Variants in ZNF142 observed in about 807,000 individuals in gnomAD.
ZNF142 encodes zinc finger protein 142 (clone pHZ-49).
Under a neutral mutation model 132.1 loss-of-function variants are expected in ZNF142, and 96 were observed. That is an observed-to-expected ratio of 0.73 (90% confidence interval 0.62 to 0.86). ZNF142 has a LOEUF of 0.86. Ranked by LOEUF, ZNF142 falls within the 40% of genes least tolerant of loss-of-function variation. The pLI, the probability that ZNF142 is intolerant of heterozygous loss-of-function variation, is 0.00. For synonymous variants in ZNF142, 842 were observed against 890.1 expected, an observed-to-expected ratio of 0.95 and a Z score of 0.96; for missense variants, 2,163 against 2,336.2, an observed-to-expected ratio of 0.93 and a Z score of 1.53.
Position 218,650,421 on chromosome 2 carries a change from C to CA in ZNF142, c.985_986insT (p.Ser329MetfsTer2). 6.2e-7 allele frequency: 1 copy of CA among 1,614,248 alleles called. No homozygotes were observed. Among genetic ancestry groups the CA allele is most frequent in the Non-Finnish European group, 8.5e-7 (1 of 1,180,044 alleles). On this transcript the variant is annotated frameshift_variant, in exon 6 of 11. Transcript: ENST00000411696. LOFTEE classifies it high-confidence loss of function. ...CTTTTGGGAGTCCTTCTGGGTGTCA[C>CA]TCTTCTCTTCTTTCTCTACATTCTC...
At position 218,645,021 on chromosome 2, in the gene ZNF142, G is replaced by C. The variant is rs1229035004; in HGVS notation, c.2095C>G (p.Gln699Glu). 2.5e-6 allele frequency: 4 copies of C among 1,613,852 alleles called. No homozygotes were observed. Among genetic ancestry groups the C allele is most frequent in the Non-Finnish European group, 2.5e-6 (3 of 1,179,908 alleles). Residue 699 changes from glutamine (Q) to glutamate (E), a missense_variant, in exon 9 of 11, where the codon CAG becomes GAG. Coordinates refer to ENST00000411696, the MANE Select transcript of ZNF142 (RefSeq NM_001379659.1). The stretch of plus-strand genomic sequence containing the variant: ...TGCCGCAGCTTGTGGCTGCTCAGCT[G>C]ATCAGCCCGGTGACAGCGATAGGAG... ...QCSYRCHRAD[Q>E]LSSHKLRHQG... is the part of the protein sequence containing the mutation.
chr2:218,649,500 T>C, intron 6 of ZNF142, 41 bp from the exon 7 acceptor site: 2 of 1,488,234 alleles, frequency 1.3e-6, no homozygotes, highest in Non-Finnish European at 1.8e-6. Context: ...GTGAGATTTT[T>C]CTGGGGAAAG....
At position 218,649,292 on chromosome 2, in the gene ZNF142, G is replaced by A; in HGVS notation, c.1216C>T (p.Leu406Phe). Residue 406 changes from leucine to phenylalanine, a missense_variant, in exon 7 of 11, where the codon CTC (leucine) becomes TTC (phenylalanine). By Grantham distance (22) the Leu-to-Phe change is conservative (BLOSUM62 0). Transcript: ENST00000411696. ...AGCTCCCGCAGCAGATGGGTCTTGA[G>A]CTTGCTCTTACTGGTGAAGAACTTC... The part of the protein sequence containing the change: ...CQKFFTSKSK[L>F]KTHLLRELGE... The A allele has an allele frequency of 6.2e-7, 1 of 1,614,256 alleles. No individual in the cohort carries two copies. Among genetic ancestry groups the A allele is most frequent in the Non-Finnish European group, 8.5e-7 (1 of 1,180,054 alleles).
intron 3 of ZNF142, among the ~76,000 whole-genome samples, chr2:218,657,301 A>T (rs534703851): frequency 6.6e-6 from 1 of 151,992 alleles, no homozygotes; most frequent in African/African-American, 2.4e-5. Flanking sequence ...TTGCTTTCAT[A>T]CCCTCACAGC....
In ZNF142 at chr2:218,644,654, G is replaced by A. The variant is rs1413754062; in HGVS notation, c.2462C>T (p.Pro821Leu). 1 of 1,614,072 alleles carries A rather than the reference G, an allele frequency of 6.2e-7. No homozygotes were observed. The highest frequency in any genetic ancestry group is 8.5e-7 in the Non-Finnish European group (1 of 1,180,034). The change falls in exon 9 of 11, where the codon CCA (proline) becomes CTA (leucine). Residue 821 changes from proline to leucine, a missense_variant. Physicochemically the swap from Pro to Leu is moderately conservative, Grantham distance 98. Coordinates refer to ENST00000411696, the MANE Select transcript of ZNF142 (RefSeq NM_001379659.1). This position sits in a 1 kb window ranked among gnomAD's most constrained non-coding sequence, Gnocchi z 4.6. ...SQEPEGAMQG[P>L]TPPPDSEPSN... ...GGGCTCTGAATCTGGTGGGGGTGTT[G>A]GGCCCTGCATGGCCCCTTCTGGCTC...
chr2:218,643,123 C>G lies in ZNF142; in HGVS notation c.3993G>C (p.Glu1331Asp), dbSNP rs1309267154. Residue 1331 changes from glutamate (E) to aspartate (D), a missense_variant, in exon 9 of 11, where the codon GAG becomes GAC. Physicochemically the swap from Glu to Asp is conservative, Grantham distance 45 (BLOSUM62 2). Around this residue, in one of 7 missense-constraint regions of ZNF142, gnomAD observed 809 missense variants for 801.7 expected, o/e 1.01. Transcript: ENST00000411696. ...AGAGGCTGCAGTGCAGCTCTCCAGA[C>G]TCCTCGAGGGGGCAGCCCCGGATCT... ...THQIRGCPLE[E>D]SGELHCSLCP... is the part of the protein sequence containing the mutation. 12 of 1,613,570 alleles carry G rather than the reference C, an allele frequency of 7.4e-6. No individual in the cohort carries two copies. Among genetic ancestry groups the G allele is most frequent in the Non-Finnish European group, 1.0e-5 (12 of 1,179,846 alleles).
Position 218,644,285 on chromosome 2 carries a change from C to T in ZNF142, c.2831G>A (p.Gly944Asp). ...LEGPELSSFE[G>D]IGTSDLSAEE... ...AGCACTCAAGTCAGAAGTCCCAATA[C>T]CTTCAAAGCTAGATAGCTCTGGTCC... is the stretch of plus-strand genomic sequence containing the variant. Residue 944 changes from glycine (G) to aspartate (D), a missense_variant, in exon 9 of 11, where the codon GGT becomes GAT. Transcript: ENST00000411696. The surrounding 1 kb of genome is among the most constrained non-coding windows in gnomAD (Gnocchi z 4.6). 2 of 1,614,126 alleles carry T rather than the reference C, an allele frequency of 1.2e-6. No homozygotes were observed. The highest frequency in any genetic ancestry group is 2.2e-5 in the South Asian group (2 of 91,082).
rs763374364 is a variant in ZNF142 at position 218,650,395 on chromosome 2, C to G, written c.1012G>C (p.Ala338Pro). 1.2e-6 allele frequency: 2 copies of G among 1,614,214 alleles called. No homozygotes were observed. Among genetic ancestry groups the G allele is most frequent in the South Asian group, 1.1e-5 (1 of 91,090 alleles). Residue 338 changes from alanine to proline, a missense_variant, in exon 6 of 11, where the codon GCT (alanine) becomes CCT (proline). Around this residue, in one of 7 missense-constraint regions of ZNF142, gnomAD observed 749 missense variants for 830.3 expected, o/e 0.90. Transcript: ENST00000411696. ...KSDTQKDSQK[A>P]VDKGQGAQRL... ...TGAGCCCCTTGGCCTTTATCCACAG[C>G]CTTTTGGGAGTCCTTCTGGGTGTCA...
chr2:218,651,703 GGCA>G lies in ZNF142; in HGVS notation c.875_877del (p.Leu292del). 7.8e-7 allele frequency: 1 copy of G among 1,281,248 alleles called. No individual in the cohort carries two copies. Among genetic ancestry groups the G allele is most frequent in the Non-Finnish European group, 1.0e-6 (1 of 984,166 alleles). 79.4% of individuals were successfully genotyped at this position (1,281,248 alleles called of 1,614,324 possible). A position where few individuals can be genotyped will look rare whatever the true frequency, so the allele number is the denominator to read the frequency against. ...CTGCTTGGCCCTTGGCCTCATACCTGGCAGCAGCTCCTGGGATGGAAGGCCCTG... is the reference window on the plus strand; with the variant it reads ...CTGCTTGGCCCTTGGCCTCATACCTGGCAGCTCCTGGGATGGAAGGCCCTG... On this transcript the variant is annotated inframe_deletion, in exon 5 of 11. Transcript: ENST00000411696.
Position 218,643,740 on chromosome 2 carries a change from GCTTCCCACTTT to G in ZNF142, c.3365_3375del (p.Glu1122AlafsTer52). Reference sequence around the variant, plus strand: ...TCTGCTTCTTGTGATGCAGGTGGGGGCTTCCCACTTTCTGTGTCCTCTGAGGCCTGGGTACC... The same window carrying G: ...TCTGCTTCTTGTGATGCAGGTGGGGGCTGTGTCCTCTGAGGCCTGGGTACC... On this transcript the variant is annotated frameshift_variant, in exon 9 of 11. Coordinates refer to ENST00000411696, the MANE Select transcript of ZNF142 (RefSeq NM_001379659.1). LOFTEE classifies it high-confidence loss of function. 6.2e-7 allele frequency: 1 copy of G among 1,609,248 alleles called. No individual in the cohort carries two copies. The highest frequency in any genetic ancestry group is 8.5e-7 in the Non-Finnish European group (1 of 1,177,988).
chr2:218,634,606 C>T lies in ZNF142; in HGVS notation c.*3733G>A. 6.2e-7 allele frequency: 1 copy of T among 1,613,986 alleles called. No individual in the cohort carries two copies. The highest frequency in any genetic ancestry group is 1.1e-5 in the South Asian group (1 of 91,080). ...ACCCTGAGAAGCCCATCAGCCCTTT[C>T]AAAGCCCAGACTCTCTTAATCCAGG... On this transcript the variant is annotated 3_prime_UTR_variant, in exon 11 of 11. Coordinates refer to ENST00000411696, the MANE Select transcript of ZNF142 (RefSeq NM_001379659.1). This position sits in a 1 kb window ranked among gnomAD's most constrained non-coding sequence, Gnocchi z 4.0.
At chr2:218,639,047 C>T (rs1243514230) in intron 10 of ZNF142, among the ~76,000 whole-genome samples, 1 of 152,222 alleles carries the variant, frequency 6.6e-6, no homozygotes, top group East Asian at 1.9e-4. Flanking sequence ...TCTCGGCTCA[C>T]TACAACCTCC....
rs1483170621 is a variant in ZNF142, at chr2:218,633,360, G to A, written c.*4979C>T. ...CTGATCCCAGCAGTACATGCAGACC[G>A]CCTTTATTCCCATTCCCACCCCCAG... is the stretch of plus-strand genomic sequence containing the variant. On this transcript the variant is annotated 3_prime_UTR_variant, in exon 11 of 11. Coordinates refer to ENST00000411696, the MANE Select transcript of ZNF142 (RefSeq NM_001379659.1). 2.1e-5 allele frequency: 15 copies of A among 703,528 alleles called. No individual in the cohort carries two copies. The highest frequency in any genetic ancestry group is 5.4e-5 in the East Asian group (2 of 37,292). The allele number at this position is 703,528 out of a possible 1,614,324, so 43.6% of individuals were successfully genotyped here.
intron 5 of ZNF142, 46 bp downstream of exon 5, chr2:218,651,655 G>C: frequency 8.1e-7 from 1 of 1,227,492 alleles, no homozygotes; most frequent in Non-Finnish European, 1.0e-6. Context: ...AAGATCAACT[G>C]TGGCTGAACT....
At position 218,634,224 on chromosome 2, in the gene ZNF142, G is replaced by A; in HGVS notation, c.*4115C>T. ...CTGGAATGCAGGCTGCCAGATGGGT[G>A]AGGAGGCAGCAGGGACTGGGAAGAG... On this transcript the variant is annotated 3_prime_UTR_variant, in exon 11 of 11. Coordinates refer to ENST00000411696, the MANE Select transcript of ZNF142 (RefSeq NM_001379659.1). The surrounding 1 kb of genome is among the most constrained non-coding windows in gnomAD (Gnocchi z 4.0). 6.2e-7 allele frequency: 1 copy of A among 1,606,914 alleles called. No homozygotes were observed. The highest frequency in any genetic ancestry group is 1.1e-5 in the South Asian group (1 of 89,904).
chr2:218,651,829 T>C lies in ZNF142; in HGVS notation c.752A>G (p.His251Arg). 3 of 1,289,694 alleles carry C rather than the reference T, an allele frequency of 2.3e-6. No homozygotes were observed. Among genetic ancestry groups the C allele is most frequent in the Non-Finnish European group, 3.0e-6 (3 of 988,826 alleles). 79.9% of individuals were successfully genotyped at this position (1,289,694 alleles called of 1,614,324 possible). A position where few individuals can be genotyped will look rare whatever the true frequency, so the allele number is the denominator to read the frequency against. Residue 251 changes from histidine to arginine, a missense_variant, in exon 5 of 11, where the codon CAC becomes CGC. His to Arg is a conservative substitution (Grantham distance 29, BLOSUM62 0). This residue lies in a region of ZNF142 where 63 missense variants were observed against 104.1 expected (regional missense o/e 0.61). Coordinates refer to ENST00000411696, the MANE Select transcript of ZNF142 (RefSeq NM_001379659.1). ...ELHRQAHYPF[H>R]CSHCSFIGSN... ...GCCTATGAAGCTGCAGTGGCTGCAG[T>C]GGAAAGGGTAATGCGCCTGCCGGTG...
At chr2:218,648,588 C>A in intron 7 of ZNF142, 47 bp downstream of exon 7, 1 of 1,563,988 alleles carries the variant, frequency 6.4e-7, no homozygotes, top group Non-Finnish European at 8.7e-7. Flanking sequence ...GCCAGTATCA[C>A]CACCATCATT....
Position 218,652,103 on chromosome 2 carries a change from G to T in ZNF142, c.478C>A (p.Pro160Thr), listed in dbSNP as rs1231453787. Residue 160 changes from proline (P) to threonine (T), a missense_variant, in exon 5 of 11, where the codon CCA becomes ACA. This residue lies in a region of ZNF142 where 195 missense variants were observed against 172.4 expected (regional missense o/e 1.13). Transcript: ENST00000411696. ...LPGPLQGQSP[P>T]VSPLSCPVCR... ...ACAGGGCATGATAGGGGGCTAACTGGCGGGCTCTGGCCCTGCAGAGGGCCA... is the reference window on the plus strand; with the variant it reads ...ACAGGGCATGATAGGGGGCTAACTGTCGGGCTCTGGCCCTGCAGAGGGCCA... The T allele has an allele frequency of 2.2e-6, 1 of 449,074 alleles. No homozygotes were observed. Among genetic ancestry groups the T allele is most frequent in the African/African-American group, 2.0e-5 (1 of 49,924 alleles). 27.8% of individuals were successfully genotyped at this position (449,074 alleles called of 1,614,324 possible).
At chr2:218,639,564 G>A (rs905915428) in intron 10 of ZNF142, among the ~76,000 whole-genome samples, 2 of 151,982 alleles carry the variant, frequency 1.3e-5, no homozygotes, top group African/African-American at 4.8e-5. Context: ...AACAAAGTGA[G>A]ACCCTGTCTA....
Sources: allele counts gnomAD v4.1 joint callset (sites outside exome capture counted in the v4.1 genomes callset), GRCh38; gene constraint gnomAD v4.1.1; regional missense constraint gnomAD v4.1.1; non-coding constraint Gnocchi (gnomAD v3.1); transcripts MANE v1.5; gene names NCBI Gene and HGNC (gene_info 2026-07-23, HGNC 2026-07-21).